SYN3: variants seen among roughly 807,000 people sequenced by gnomAD.
SYN3 encodes the protein synapsin III.
SYN3 carries 35 observed loss-of-function variants against 65.8 expected under a neutral mutation model. That is an observed-to-expected ratio of 0.53 (90% CI 0.41 to 0.70). The LOEUF is 0.70. SYN3 is among the 30% of genes least tolerant of loss of function. The pLI is 0.00. For missense variants in SYN3, 680 were observed against 749.0 expected (o/e 0.91, Z 1.08); for synonymous variants, 270 against 292.9 (o/e 0.92, Z 0.80).
intron 6 of SYN3, among the ~76,000 whole-genome samples, chr22:32,818,135 AGTCTGAAATT>A (rs1421438052): frequency 6.6e-6 from 1 of 152,244 alleles, no homozygotes; most frequent in Non-Finnish European, 1.5e-5. Flanking sequence ...AACCTAACTT[AGTCTGAAATT>A]GTCTGAAAAT....
intron 6 of SYN3, among the ~76,000 whole-genome samples, chr22:32,652,304 T>G (rs953464265): frequency 2.6e-5 from 4 of 151,936 alleles, no homozygotes; most frequent in Non-Finnish European, 4.4e-5. Context: ...GCAGGTTCTT[T>G]GTTCCACGAG....
At position 32,538,122 on chromosome 22, in the gene SYN3, C is replaced by T; in HGVS notation, c.918-12G>A. 1.9e-6 allele frequency: 3 copies of T among 1,613,618 alleles called. No individual in the cohort carries two copies. Among genetic ancestry groups the T allele is most frequent in the Non-Finnish European group, 2.5e-6 (3 of 1,179,506 alleles). On this transcript the variant is annotated splice_polypyrimidine_tract_variant and intron_variant, in intron 8 of 13. Coordinates refer to ENST00000358763, the MANE Select transcript of SYN3 (RefSeq NM_003490.4). ...AGATGGAGGTTCTCCTGTACCAGAA[C>T]AAACAACACATTGAGGGAATTAGGG...
In SYN3 at chr22:32,974,991, A is replaced by C. The variant is rs557845005; in HGVS notation, c.369+5654T>G. Among the ~76,000 whole-genome samples, 2 of 152,286 alleles carry C rather than the reference A, an allele frequency of 1.3e-5. 1 individual carries two copies. Among genetic ancestry groups the C allele is most frequent in the South Asian group, 4.2e-4 (2 of 4,816 alleles). ...TATCTTACTCTGGAGCCACGATCTTAACCCCTACACCGCATTTCCTCCCAC... is the reference window on the plus strand; with the variant it reads ...TATCTTACTCTGGAGCCACGATCTTCACCCCTACACCGCATTTCCTCCCAC... On this transcript the variant is annotated intron_variant, in intron 3 of 13. Transcript: ENST00000358763.
chr22:33,029,026 C>T (rs1180270377), intron 1 of SYN3, among the ~76,000 whole-genome samples: 1 of 150,748 alleles, frequency 6.6e-6, no homozygotes, highest in Non-Finnish European at 1.5e-5. Flanking sequence ...GGTGACAGAG[C>T]GAGACTCTGT....
At chr22:32,860,915 T>G (rs1405456230) in intron 6 of SYN3, 8 of 34,800 alleles carry the variant, frequency 2.3e-4, no homozygotes, top group East Asian at 4.8e-4. Flanking sequence ...TCTGTTGTGT[T>G]TTTTTTTTTT....
chr22:32,615,221 G>A (rs1444430118), intron 6 of SYN3, among the ~76,000 whole-genome samples: 1 of 152,004 alleles, frequency 6.6e-6, no homozygotes, highest in African/African-American at 2.4e-5. Context: ...GATCACCTGA[G>A]GTCAGGAGTT....
chr22:32,654,562 C>G (rs575493162), intron 6 of SYN3, among the ~76,000 whole-genome samples: 36 of 152,154 alleles, frequency 2.4e-4, no homozygotes, highest in Middle Eastern at 3.2e-3. Flanking sequence ...CTGGCTGGGT[C>G]ACTCTTGGAG....
chr22:32,753,627 G>T (rs2045205853), intron 6 of SYN3, among the ~76,000 whole-genome samples: 1 of 152,232 alleles, frequency 6.6e-6, no homozygotes, highest in Admixed American at 6.5e-5. Context: ...CTCGTCTATG[G>T]AATCTTTAAG....
chr22:32,885,741 A>G (rs1435176653), intron 4 of SYN3, among the ~76,000 whole-genome samples: 1 of 152,074 alleles, frequency 6.6e-6, no homozygotes, highest in Non-Finnish European at 1.5e-5. Flanking sequence ...TTGTATTCTT[A>G]GTAGAGATGG....
chr22:32,981,056 T>C (rs1226670291), intron 2 of SYN3, among the ~76,000 whole-genome samples: 3 of 151,204 alleles, frequency 2.0e-5, no homozygotes, highest in African/African-American at 4.9e-5. Context: ...GGTTTCACCA[T>C]GTCGGTCAGG....
At chr22:33,002,476 C>T (rs1009143843) in intron 2 of SYN3, among the ~76,000 whole-genome samples, 3 of 151,898 alleles carry the variant, frequency 2.0e-5, no homozygotes, top group African/African-American at 2.4e-5. Context: ...ACCCTGTCTA[C>T]AGTAAAAATA....
chr22:32,688,248 T>C (rs912055228), intron 6 of SYN3, among the ~76,000 whole-genome samples: 3 of 152,306 alleles, frequency 2.0e-5, no homozygotes, highest in South Asian at 2.1e-4. Flanking sequence ...AGTGACTCCA[T>C]GCGTCTGTGG....
chr22:32,819,070 G>A (rs2047165402), intron 6 of SYN3, among the ~76,000 whole-genome samples: 1 of 152,272 alleles, frequency 6.6e-6, no homozygotes, highest in Non-Finnish European at 1.5e-5. Context: ...GGATCAAGGT[G>A]GAGCTGGATC....
intron 7 of SYN3, among the ~76,000 whole-genome samples, chr22:32,555,653 ACT>A (rs1314248403): frequency 6.6e-6 from 1 of 151,996 alleles, no homozygotes; most frequent in Non-Finnish European, 1.5e-5. Flanking sequence ...CAGAACAGTC[ACT>A]CTGTGGCCTT....
chr22:32,992,941 C>T (rs773377871), intron 2 of SYN3, among the ~76,000 whole-genome samples: 10 of 152,168 alleles, frequency 6.6e-5, no homozygotes, highest in Non-Finnish European at 1.5e-4. Flanking sequence ...CTGGTAACAG[C>T]AGTTCTATTT....
chr22:32,700,621 T>C (rs950088930), intron 6 of SYN3, among the ~76,000 whole-genome samples: 4 of 152,124 alleles, frequency 2.6e-5, no homozygotes, highest in African/African-American at 4.8e-5. Flanking sequence ...TGCCAACCAA[T>C]GCATCAGCCA....
At chr22:33,046,050 G>GGTAACTGTAATAGA (rs1569421938) in intron 1 of SYN3, among the ~76,000 whole-genome samples, 1 of 150,402 alleles carries the variant, frequency 6.6e-6, no homozygotes, top group Non-Finnish European at 1.5e-5. Flanking sequence ...CAGACACTTC[G>GGTAACTGTAATAGA]CCAAAGAGAA....
At chr22:32,525,051 T>C (rs2057953094) in intron 12 of SYN3, among the ~76,000 whole-genome samples, 1 of 152,180 alleles carries the variant, frequency 6.6e-6, no homozygotes, top group Admixed American at 6.5e-5. Flanking sequence ...ATAGTTGCCA[T>C]AGACAGTGAT....
chr22:32,852,456 G>A (rs1422075373), intron 6 of SYN3, among the ~76,000 whole-genome samples: 2 of 152,204 alleles, frequency 1.3e-5, no homozygotes, highest in African/African-American at 2.4e-5. Context: ...GGAGGGAAGA[G>A]AGAGAGGCCA....
Sources: allele counts gnomAD v4.1 joint callset (sites outside exome capture counted in the v4.1 genomes callset), GRCh38; gene constraint gnomAD v4.1.1; transcripts MANE v1.5; gene names NCBI Gene and HGNC (gene_info 2026-07-23, HGNC 2026-07-21).